The following ATG10 variants were observed in gnomAD, a reference collection of about 807,000 sequenced individuals.
ATG10 encodes autophagy related 10.
In ATG10, 30 loss-of-function variants were observed where a neutral mutation model predicts 32.1. The ratio of observed to expected loss-of-function variants is 0.94; its 90% CI spans 0.70 to 1.27. The LOEUF is 1.27. Ranked by LOEUF, ATG10 falls within the 50% of genes most tolerant of loss-of-function variation. ATG10 has a pLI of 0.00. For synonymous variants in ATG10, 87 were observed against 91.5 expected, an observed-to-expected ratio of 0.95 and a Z score of 0.28; for missense variants, 233 against 262.3, an observed-to-expected ratio of 0.89 and a Z score of 0.77.
chr5:82,163,295 A>G (rs576957696), intron 3 of ATG10, among the ~76,000 whole-genome samples: 1 of 152,264 alleles, frequency 6.6e-6, no homozygotes, highest in African/African-American at 2.4e-5. Context: ...ACTGGAGTTT[A>G]GTGAAAAATA....
At chr5:82,082,105 C>T (rs1304406173) in intron 3 of ATG10, among the ~76,000 whole-genome samples, 1 of 152,162 alleles carries the variant, frequency 6.6e-6, no homozygotes, top group Non-Finnish European at 1.5e-5. Flanking sequence ...CTGGGTTCCT[C>T]CCATGACACA....
intron 5 of ATG10, among the ~76,000 whole-genome samples, chr5:82,235,031 A>C (rs74865080): frequency 2.6e-3 from 398 of 152,244 alleles, no homozygotes; most frequent in African/African-American, 9.2e-3. Context: ...ACGCCCCTGG[A>C]GTATGCATCA....
intron 2 of ATG10, among the ~76,000 whole-genome samples, chr5:82,039,683 C>T (rs554446146): frequency 1.3e-5 from 2 of 152,290 alleles, no homozygotes; most frequent in African/African-American, 4.8e-5. Context: ...AAAACATTAA[C>T]ACCCAAGTGT....
At chr5:82,114,400 CTT>C (rs1765716089) in intron 3 of ATG10, among the ~76,000 whole-genome samples, 1 of 151,984 alleles carries the variant, frequency 6.6e-6, no homozygotes, top group South Asian at 2.1e-4. Context: ...GTGAGGAACA[CTT>C]TTATGCACAT....
At chr5:82,002,165 AG>A (rs775200854) in intron 2 of ATG10, among the ~76,000 whole-genome samples, 19 of 152,226 alleles carry the variant, frequency 1.2e-4, no homozygotes, top group Non-Finnish European at 2.8e-4. Flanking sequence ...TGAAGAGAAA[AG>A]GGAATACTTA....
intron 3 of ATG10, among the ~76,000 whole-genome samples, chr5:82,096,745 A>G (rs989115934): frequency 2.6e-5 from 4 of 152,170 alleles, no homozygotes; most frequent in African/African-American, 9.7e-5. Flanking sequence ...GAAAGTTTCT[A>G]TGAACCAACA....
At chr5:82,049,226 T>G (rs973547578) in intron 2 of ATG10, among the ~76,000 whole-genome samples, 16 of 151,936 alleles carry the variant, frequency 1.1e-4, no homozygotes, top group African/African-American at 3.4e-4. Flanking sequence ...CCATAAAAAA[T>G]GATGAGTTCA....
chr5:82,229,471 A>G (rs1171527948), intron 5 of ATG10, among the ~76,000 whole-genome samples: 1 of 152,212 alleles, frequency 6.6e-6, no homozygotes, highest in Admixed American at 6.5e-5. Context: ...TTTGGATGCC[A>G]CTTTCTTATT....
chr5:82,227,920 T>C (rs1031209316), intron 5 of ATG10, among the ~76,000 whole-genome samples: 1 of 152,166 alleles, frequency 6.6e-6, no homozygotes, highest in Admixed American at 6.5e-5. Context: ...AAAAAGTATG[T>C]ATGGGCTGGG....
intron 3 of ATG10, among the ~76,000 whole-genome samples, chr5:82,106,747 A>T (rs1450978038): frequency 6.6e-6 from 1 of 152,026 alleles, no homozygotes; most frequent in African/African-American, 2.4e-5. Flanking sequence ...CAATTAAACT[A>T]TAGTGTATGA....
chr5:82,035,972 C>T (rs1336204853), intron 2 of ATG10, among the ~76,000 whole-genome samples: 1 of 151,918 alleles, frequency 6.6e-6, no homozygotes, highest in Non-Finnish European at 1.5e-5. Flanking sequence ...GTGTTTTGCT[C>T]AGGAAATCTT....
At chr5:82,227,212 T>C (rs2150000412) in intron 5 of ATG10, among the ~76,000 whole-genome samples, 1 of 152,176 alleles carries the variant, frequency 6.6e-6, no homozygotes, top group East Asian at 1.9e-4. Flanking sequence ...CCTTTTTTAC[T>C]TTCTTCCAGT....
intron 3 of ATG10, among the ~76,000 whole-genome samples, chr5:82,096,237 A>G (rs1000887039): frequency 1.3e-5 from 2 of 152,170 alleles, no homozygotes; most frequent in African/African-American, 2.4e-5. Context: ...TCACACATCT[A>G]TTTCTAAGAT....
intron 5 of ATG10, among the ~76,000 whole-genome samples, chr5:82,196,369 A>G (rs1240360884): frequency 1.3e-5 from 2 of 152,124 alleles, no homozygotes; most frequent in Non-Finnish European, 2.9e-5. Context: ...TTGGCTCACA[A>G]AAGTTTTTTA....
At chr5:82,013,579 C>T (rs963464313) in intron 2 of ATG10, among the ~76,000 whole-genome samples, 10 of 152,176 alleles carry the variant, frequency 6.6e-5, no homozygotes, top group Non-Finnish European at 8.8e-5. Context: ...AAGGAATCCC[C>T]ACACGTTTTC....
chr5:82,222,844 T>C (rs188878400), intron 5 of ATG10, among the ~76,000 whole-genome samples: 74 of 152,340 alleles, frequency 4.9e-4, no homozygotes, highest in Admixed American at 1.4e-3. Flanking sequence ...TCAGGGCATA[T>C]TGTTCTTTCA....
chr5:82,218,900 G>A (rs1581816326), intron 5 of ATG10, among the ~76,000 whole-genome samples: 2 of 152,144 alleles, frequency 1.3e-5, no homozygotes, highest in Admixed American at 1.3e-4. Context: ...TTAGCTGCAC[G>A]AATCTTTTTT....
Position 82,197,860 on chromosome 5 carries a change from G to A in ATG10, c.453+19273G>A, listed in dbSNP as rs192994298. Among the ~76,000 whole-genome samples, 125 of 152,156 alleles carry A rather than the reference G, an allele frequency of 8.2e-4. 1 individual carries two copies. In the East Asian group the frequency reaches 0.018, roughly 22 times the overall value. On this transcript the variant is annotated intron_variant, in intron 5 of 7. Transcript: ENST00000282185. ...AGTTCAGGTGACTTACCTCAGCTGA[G>A]TTTCAGTACCCTGAGAACTCTTTTT...
At chr5:82,118,742 G>A (rs1054660223) in intron 3 of ATG10, among the ~76,000 whole-genome samples, 19 of 152,098 alleles carry the variant, frequency 1.2e-4, no homozygotes, top group Non-Finnish European at 1.0e-4. Context: ...CCATGGAGAT[G>A]TTTGGAATTA....
Sources: allele counts gnomAD v4.1 joint callset (sites outside exome capture counted in the v4.1 genomes callset), GRCh38; gene constraint gnomAD v4.1.1; transcripts MANE v1.5; gene names NCBI Gene and HGNC (gene_info 2026-07-23, HGNC 2026-07-21).